ACHE: variants seen among roughly 807,000 people sequenced by gnomAD.
ACHE encodes the protein acetylcholinesterase.
Under a neutral mutation model 53.9 loss-of-function variants are expected in ACHE, and 19 were observed. The ratio of observed to expected loss-of-function variants is 0.35; its 90% CI spans 0.25 to 0.52. The LOEUF is 0.52. Among genes scored for constraint, ACHE ranks in the 20% least tolerant of loss-of-function variants. The pLI is 0.95. For synonymous variants in ACHE, 392 were observed against 378.1 expected, an observed-to-expected ratio of 1.04 and a Z score of -0.43; for missense variants, 605 against 849.4, an observed-to-expected ratio of 0.71 and a Z score of 3.58.
chr7:100,890,663 G>C lies in ACHE; in HGVS notation c.1724-328C>G, dbSNP rs556503915. ...ATGGTTGACCGTTATAGCCCCAATG[G>C]GGGGTGCTACCCCGTCCGGGGCCTC... On this transcript the variant is annotated intron_variant, in intron 4 of 4. Transcript: ENST00000241069. The C allele has an allele frequency of 7.9e-5, 108 of 1,367,876 alleles. No homozygotes were observed. The South Asian group carries it at 1.6e-3, about 20-fold the overall frequency. 84.7% of individuals were successfully genotyped at this position (1,367,876 alleles called of 1,614,324 possible). A position where few individuals can be genotyped will look rare whatever the true frequency, so the allele number is the denominator to read the frequency against.
chr7:100,892,826 T>G lies in ACHE; in HGVS notation c.1069-8A>C, dbSNP rs1790780947. 2.6e-6 allele frequency: 4 copies of G among 1,559,890 alleles called. No homozygotes were observed. In the African/African-American group the frequency reaches 4.1e-5, roughly 16 times the overall value. On this transcript the variant is annotated splice_polypyrimidine_tract_variant and splice_region_variant and intron_variant, in intron 2 of 4. Coordinates refer to ENST00000241069, the MANE Select transcript of ACHE (RefSeq NM_000665.5). The surrounding 1 kb of genome is among the most constrained non-coding windows in gnomAD (Gnocchi z 5.2). Reference sequence around the variant, plus strand: ...CACCACACCCACCAGCACCTGGGGGTGAGGGAGAGGGGGGTGGGATGGAGC... The same window carrying G: ...CACCACACCCACCAGCACCTGGGGGGGAGGGAGAGGGGGGTGGGATGGAGC...
At position 100,892,226 on chromosome 7, in the gene ACHE, C is replaced by T. The variant is rs921290699; in HGVS notation, c.1553+108G>A. The T allele has an allele frequency of 7.2e-7, 1 of 1,380,282 alleles. No individual in the cohort carries two copies. The highest frequency in any genetic ancestry group is 1.5e-5 in the African/African-American group (1 of 68,594). The allele number at this position is 1,380,282 out of a possible 1,614,324, so 85.5% of individuals were successfully genotyped here. A position where few individuals can be genotyped will look rare whatever the true frequency, so the allele number is the denominator to read the frequency against. ...GCATATCCCTCTCTGGCTGTTCTAT[C>T]CTGCCCCTGTCCCACCCGTCCTTTC... On this transcript the variant is annotated intron_variant, in intron 3 of 4. Coordinates refer to ENST00000241069, the MANE Select transcript of ACHE (RefSeq NM_000665.5). The surrounding 1 kb of genome is among the most constrained non-coding windows in gnomAD (Gnocchi z 5.2).
At chr7:100,891,428 G>A in intron 3 of ACHE, 90 bp from the exon 4 acceptor site, 1 of 1,306,258 alleles carries the variant, frequency 7.7e-7, no homozygotes, top group Non-Finnish European at 1.0e-6. Context: ...CAGCTCAGCG[G>A]AGAGCCCCAG....
In ACHE at chr7:100,890,300, C is replaced by G. The variant is rs1790585515; in HGVS notation, c.1759G>C (p.Glu587Gln). ...LDEAERQWKA[E>Q]FHRWSSYMVH... Reference sequence around the variant, plus strand: ...ATGTAGGAGCTCCAGCGGTGGAACTCGGCCTTCCACTGGCGCTCCGCCTCG... The same window carrying G: ...ATGTAGGAGCTCCAGCGGTGGAACTGGGCCTTCCACTGGCGCTCCGCCTCG... The change falls in exon 5 of 5, where the codon GAG (glutamate) becomes CAG (glutamine). Residue 587 changes from glutamate (E) to glutamine (Q), a missense_variant. This residue lies in a region of ACHE where 28 missense variants were observed against 54.8 expected (regional missense o/e 0.51). Transcript: ENST00000241069. 1 of 1,607,626 alleles carries G rather than the reference C, an allele frequency of 6.2e-7. No individual in the cohort carries two copies. Among genetic ancestry groups the G allele is most frequent in the Non-Finnish European group, 8.5e-7 (1 of 1,177,260 alleles).
intron 4 of ACHE, chr7:100,890,685 C>T: frequency 3.8e-6 from 5 of 1,321,612 alleles, no homozygotes; most frequent in Non-Finnish European, 4.8e-6. Flanking sequence ...CCGTCCGGGG[C>T]CTCCCACTTC....
rs760887426 is a variant in ACHE, at chr7:100,890,281, G to A, written c.1778C>T (p.Ser593Phe). ...CTGGTTCTTCCAGTGCACCATGTAG[G>A]AGCTCCAGCGGTGGAACTCGGCCTT... ...QWKAEFHRWS[S>F]YMVHWKNQFD... The change falls in exon 5 of 5, where the codon TCC becomes TTC. Residue 593 changes from serine to phenylalanine, a missense_variant. Physicochemically the swap from Ser to Phe is radical, Grantham distance 155. This residue lies in a region of ACHE where 28 missense variants were observed against 54.8 expected (regional missense o/e 0.51). Transcript: ENST00000241069. 1.2e-5 allele frequency: 20 copies of A among 1,611,440 alleles called. No individual in the cohort carries two copies. Among genetic ancestry groups the A allele is most frequent in the African/African-American group, 1.3e-5 (1 of 74,910 alleles).
chr7:100,890,604 G>A (rs772662260), intron 4 of ACHE: 2 of 1,389,184 alleles, frequency 1.4e-6, no homozygotes, highest in Non-Finnish European at 1.9e-6. Context: ...GAGGGGACAG[G>A]AGGGGGAGGT....
At chr7:100,894,825 C>A (rs1407856477) in intron 1 of ACHE, among the ~76,000 whole-genome samples, 1 of 152,118 alleles carries the variant, frequency 6.6e-6, no homozygotes, top group Non-Finnish European at 1.5e-5. Context: ...TGTCTGGCAC[C>A]GAGCGCTGAT....
intron 3 of ACHE, 30 bp from the exon 4 acceptor site, chr7:100,891,368 A>T: frequency 6.7e-7 from 1 of 1,500,568 alleles, no homozygotes; most frequent in South Asian, 1.3e-5. Context: ...CTCAGTCCAG[A>T]CGGGCAGTGG....
At chr7:100,891,124 T>A in intron 4 of ACHE, 45 bp downstream of exon 4, 1 of 1,565,164 alleles carries the variant, frequency 6.4e-7, no homozygotes, top group Non-Finnish European at 8.6e-7. Context: ...CCTGGCGGGC[T>A]CCCACTCCCC....
rs1790572826 is a variant in ACHE, at chr7:100,890,142, C to T, written c.*72G>A. 5 of 1,574,400 alleles carry T rather than the reference C, an allele frequency of 3.2e-6. No individual in the cohort carries two copies. The highest frequency in any genetic ancestry group is 3.4e-5 in the Admixed American group (2 of 58,400). On this transcript the variant is annotated 3_prime_UTR_variant, in exon 5 of 5. Transcript: ENST00000241069. ...GTCTGGGGCTCGTCTGTGTTATAGCCCAGCCCTGAAATAAATAGTATATAC... is the reference window on the plus strand; with the variant it reads ...GTCTGGGGCTCGTCTGTGTTATAGCTCAGCCCTGAAATAAATAGTATATAC...
intron 1 of ACHE, 32 bp from the exon 2 acceptor site, chr7:100,894,284 G>C (rs1007157775): frequency 7.2e-7 from 1 of 1,389,976 alleles, no homozygotes; most frequent in African/African-American, 1.5e-5. Flanking sequence ...AAGGGTGAAG[G>C]GTCGGTCGAG....
At chr7:100,891,074 T>C in intron 4 of ACHE, 95 bp downstream of exon 4, 1 of 1,517,152 alleles carries the variant, frequency 6.6e-7, no homozygotes, top group South Asian at 1.3e-5. Flanking sequence ...GGGCAGGTGC[T>C]GGGAGCCTCC....
chr7:100,895,536 C>T (rs1371630643), intron 1 of ACHE, among the ~76,000 whole-genome samples: 1 of 152,176 alleles, frequency 6.6e-6, no homozygotes, highest in East Asian at 1.9e-4. Flanking sequence ...AGGGAGCGAT[C>T]GGGGAAGGGG....
Position 100,890,348 on chromosome 7 carries a change from C to A in ACHE, c.1724-13G>T, listed in dbSNP as rs1157134252. ...TCGTCGAGCGTGTCTGCGGCCAGGGCGCCCAGCGAGGCGGGAGGGGAGGAC... is the reference window on the plus strand; with the variant it reads ...TCGTCGAGCGTGTCTGCGGCCAGGGAGCCCAGCGAGGCGGGAGGGGAGGAC... On this transcript the variant is annotated splice_polypyrimidine_tract_variant and intron_variant, in intron 4 of 4. Coordinates refer to ENST00000241069, the MANE Select transcript of ACHE (RefSeq NM_000665.5). 3.1e-6 allele frequency: 5 copies of A among 1,600,686 alleles called. No individual in the cohort carries two copies. The highest frequency in any genetic ancestry group is 4.3e-6 in the Non-Finnish European group (5 of 1,173,466).
At position 100,894,383 on chromosome 7, in the gene ACHE, GGA is replaced by G. The variant is rs1790913188; in HGVS notation, c.-20-133_-20-132del. ...GTGGGGCAGGTTGGCAAAGATGAGG[GGA>G]GAGAGGGAGGGAGGGAAGGAGACAG... On this transcript the variant is annotated intron_variant, in intron 1 of 4. Transcript: ENST00000241069. 5.5e-6 allele frequency: 3 copies of G among 549,742 alleles called. No homozygotes were observed. In the Admixed American group the frequency reaches 1.1e-4, roughly 20 times the overall value. The allele number at this position is 549,742 out of a possible 1,614,324, so 34.1% of individuals were successfully genotyped here.
In ACHE at chr7:100,890,130, C is replaced by G; in HGVS notation, c.*84G>C. 1 of 1,536,866 alleles carries G rather than the reference C, an allele frequency of 6.5e-7. No individual in the cohort carries two copies. ...GGGATGGGCAGAGTCTGGGGCTCGTCTGTGTTATAGCCCAGCCCTGAAATA... is the reference window on the plus strand; with the variant it reads ...GGGATGGGCAGAGTCTGGGGCTCGTGTGTGTTATAGCCCAGCCCTGAAATA... On this transcript the variant is annotated 3_prime_UTR_variant, in exon 5 of 5. Coordinates refer to ENST00000241069, the MANE Select transcript of ACHE (RefSeq NM_000665.5).
In ACHE at chr7:100,891,157, G is replaced by GC; in HGVS notation, c.1723+11dup. 6.3e-7 allele frequency: 1 copy of GC among 1,594,974 alleles called. No homozygotes were observed. The highest frequency in any genetic ancestry group is 1.1e-5 in the South Asian group (1 of 89,214). ...CCCTCCTCCCAGCCGCTGCCCGCTGGCCCCTGCATACCGGTGGCGCTGAGC... is the reference window on the plus strand; with the variant it reads ...CCCTCCTCCCAGCCGCTGCCCGCTGGCCCCCTGCATACCGGTGGCGCTGAGC... On this transcript the variant is annotated intron_variant, in intron 4 of 4. Coordinates refer to ENST00000241069, the MANE Select transcript of ACHE (RefSeq NM_000665.5).
chr7:100,891,363 T>G, intron 3 of ACHE, 25 bp from the exon 4 acceptor site: 2 of 1,503,454 alleles, frequency 1.3e-6, no homozygotes. Context: ...GAAGGCTCAG[T>G]CCAGACGGGC....
Sources: gnomAD v4.1 joint callset for allele counts (sites outside exome capture counted in the v4.1 genomes callset) on GRCh38, gnomAD v4.1.1 for gene constraint, gnomAD v4.1.1 regional missense constraint, Gnocchi (gnomAD v3.1) non-coding constraint, MANE v1.5 for transcripts, NCBI Gene and HGNC (gene_info 2026-07-23, HGNC 2026-07-21) for gene names.